Variants in ATP2C2 observed in about 807,000 individuals in gnomAD.
ATP2C2 encodes the protein calcium-transporting ATPase type 2C member 2.
A neutral mutation model predicts 110.8 loss-of-function variants in ATP2C2; 171 were observed. The observed-to-expected ratio is 1.54, with a 90% CI of 1.36 to 1.75. The LOEUF (loss-of-function observed/expected upper bound fraction) is 1.75. Among genes scored for constraint, ATP2C2 ranks in the 40% most tolerant of loss-of-function variants. The probability of loss-of-function intolerance (pLI) is 0.00; values close to 1 mark genes in which losing one functional copy is unlikely to be tolerated. For synonymous variants in ATP2C2, 804 were observed against 508.4 expected (o/e 1.58, Z -7.82); for missense variants, 1,963 against 1,235.0 (o/e 1.59, Z -8.84).
chr16:84,452,800 C>T (rs1340420087), intron 18 of ATP2C2, among the ~76,000 whole-genome samples: 3 of 152,032 alleles, frequency 2.0e-5, no homozygotes, highest in African/African-American at 7.2e-5. Context: ...CGCCCAGCCC[C>T]TCTAGTTACT....
In ATP2C2 at chr16:84,459,339, G is replaced by T. The variant is rs747665012; in HGVS notation, c.2286G>T (p.Met762Ile). 1.9e-6 allele frequency: 3 copies of T among 1,614,190 alleles called. No homozygotes were observed. The highest frequency in any genetic ancestry group is 2.5e-6 in the Non-Finnish European group (3 of 1,180,030). Residue 762 changes from methionine to isoleucine, a missense_variant, in exon 23 of 27, where the codon ATG (methionine) becomes ATT (isoleucine). Physicochemically the swap from Met to Ile is conservative, Grantham distance 10. Coordinates refer to ENST00000262429, the MANE Select transcript of ATP2C2 (RefSeq NM_014861.4). ...VFNLPSPLNA[M>I]QILWINIIMD... is the part of the protein sequence containing the mutation. ...ACCTGCCCAGCCCCCTCAACGCCATGCAGATCCTATGGATCAACATCATCA... is the reference window on the plus strand; with the variant it reads ...ACCTGCCCAGCCCCCTCAACGCCATTCAGATCCTATGGATCAACATCATCA...
At chr16:84,388,274 G>A (rs542269106) in intron 1 of ATP2C2, among the ~76,000 whole-genome samples, 3 of 152,138 alleles carry the variant, frequency 2.0e-5, no homozygotes, top group South Asian at 2.1e-4. Context: ...GCAGTGAGCC[G>A]AGATCACGCC....
intron 7 of ATP2C2, among the ~76,000 whole-genome samples, chr16:84,419,297 T>G (rs1907117666): frequency 6.7e-6 from 1 of 150,010 alleles, no homozygotes; most frequent in Admixed American, 6.6e-5. Context: ...TCCTGGCCTT[T>G]CCCAGCTTCT....
At chr16:84,462,667 T>A (rs908378850) in intron 26 of ATP2C2, 1 of 153,200 alleles carries the variant, frequency 6.5e-6, no homozygotes. Context: ...GTGTGGCACC[T>A]TTCTCTGAAG....
chr16:84,445,229 G>C (rs1220270022), intron 15 of ATP2C2, among the ~76,000 whole-genome samples: 1 of 142,528 alleles, frequency 7.0e-6, no homozygotes, highest in African/African-American at 2.6e-5. Flanking sequence ...TTTTTTTTGA[G>C]ACGGAGTCTC....
intron 10 of ATP2C2, among the ~76,000 whole-genome samples, chr16:84,424,138 G>C (rs1464445485): frequency 2.0e-5 from 3 of 152,226 alleles, no homozygotes; most frequent in Non-Finnish European, 2.9e-5. Flanking sequence ...TAGTGATGAG[G>C]GGGGTGCTGG....
chr16:84,450,064 C>G (rs1910119321), intron 17 of ATP2C2, among the ~76,000 whole-genome samples: 1 of 152,258 alleles, frequency 6.6e-6, no homozygotes, highest in Admixed American at 6.5e-5. Context: ...ATGACGCGTT[C>G]CAGGGACTTG....
chr16:84,432,626 T>C (rs1478347314), intron 11 of ATP2C2, among the ~76,000 whole-genome samples: 2 of 152,098 alleles, frequency 1.3e-5, no homozygotes, highest in Non-Finnish European at 2.9e-5. Context: ...GTTCAAACTA[T>C]TCTCCTGCCT....
intron 23 of ATP2C2, chr16:84,460,069 T>C (rs436203): frequency 0.98 from 189,560 of 193,066 alleles, 93,110 homozygotes; most frequent in East Asian, 1. Context: ...TCACCAGTGA[T>C]AGCTGCCAAG....
At chr16:84,449,986 C>G (rs1259687029) in intron 17 of ATP2C2, among the ~76,000 whole-genome samples, 1 of 152,228 alleles carries the variant, frequency 6.6e-6, no homozygotes, top group Non-Finnish European at 1.5e-5. Flanking sequence ...GCAGAGGAGC[C>G]GGCCCAGGTG....
At chr16:84,395,397 C>T (rs771004427) in intron 1 of ATP2C2, among the ~76,000 whole-genome samples, 26 of 151,824 alleles carry the variant, frequency 1.7e-4, no homozygotes, top group Non-Finnish European at 3.2e-4. Flanking sequence ...GTCCAGAGCA[C>T]GTGACAAAGG....
chr16:84,419,549 G>T (rs1372312694), intron 7 of ATP2C2, among the ~76,000 whole-genome samples: 3 of 152,166 alleles, frequency 2.0e-5, no homozygotes, highest in Admixed American at 1.3e-4. Flanking sequence ...CCAAGTTGAG[G>T]ATTAGGATGC....
At chr16:84,408,558 G>T in intron 4 of ATP2C2, 64 bp downstream of exon 4, 2 of 1,321,984 alleles carry the variant, frequency 1.5e-6, no homozygotes, top group Non-Finnish European at 2.1e-6. Flanking sequence ...GTCTCTGCTT[G>T]TTATTGTATA....
intron 18 of ATP2C2, 55 bp downstream of exon 18, chr16:84,452,146 T>TG: frequency 6.3e-7 from 1 of 1,596,758 alleles, no homozygotes; most frequent in South Asian, 1.1e-5. Flanking sequence ...TCCTTTACGA[T>TG]GGGGGGCTGC....
rs766288795 is a variant in ATP2C2, at chr16:84,459,367, G to A, written c.2314G>A (p.Asp772Asn). 5 of 1,614,044 alleles carry A rather than the reference G, an allele frequency of 3.1e-6. No homozygotes were observed. The African/African-American group carries it at 5.3e-5, about 17-fold the overall frequency. Residue 772 changes from aspartate (D) to asparagine (N), a missense_variant, in exon 23 of 27, where the codon GAT becomes AAT. Transcript: ENST00000262429. ...MQILWINIIM[D>N]GPPAQSLGVE... ...GATCCTATGGATCAACATCATCATG[G>A]ATGGGCCACCGGCGCAGAGGTGAGG...
chr16:84,463,826 G>T lies in ATP2C2; in HGVS notation c.*94G>T. The T allele has an allele frequency of 9.0e-7, 1 of 1,113,804 alleles. No homozygotes were observed. The allele number at this position is 1,113,804 out of a possible 1,614,324, so 69.0% of individuals were successfully genotyped here. On this transcript the variant is annotated 3_prime_UTR_variant, in exon 27 of 27. Transcript: ENST00000262429. Reference sequence around the variant, plus strand: ...TCCTCGTCAGGGGAGACTTTTAGGAGGCCGCAGCCTTCCATCACCGGATCA... The same window carrying T: ...TCCTCGTCAGGGGAGACTTTTAGGATGCCGCAGCCTTCCATCACCGGATCA...
Position 84,461,779 on chromosome 16 carries a change from C to G in ATP2C2, c.2547C>G (p.Phe849Leu), listed in dbSNP as rs756447335. 4 of 1,614,200 alleles carry G rather than the reference C, an allele frequency of 2.5e-6. No individual in the cohort carries two copies. Among genetic ancestry groups the G allele is most frequent in the Non-Finnish European group, 2.5e-6 (3 of 1,180,018 alleles). ...TTMTFTCFVF[F>L]DLFNALTCRS... Reference sequence around the variant, plus strand: ...TGACGTTCACTTGTTTTGTGTTTTTCGATCTCTTCAACGCCTTGACCTGCC... The same window carrying G: ...TGACGTTCACTTGTTTTGTGTTTTTGGATCTCTTCAACGCCTTGACCTGCC... Residue 849 changes from phenylalanine to leucine, a missense_variant, in exon 25 of 27, where the codon TTC becomes TTG. Transcript: ENST00000262429.
intron 3 of ATP2C2, among the ~76,000 whole-genome samples, chr16:84,405,712 G>C (rs9929341): frequency 0.021 from 3,036 of 144,840 alleles, 79 homozygotes; most frequent in African/African-American, 0.073. Flanking sequence ...TTGAGCCCAG[G>C]AGTTCAAGAC....
At position 84,461,762 on chromosome 16, in the gene ATP2C2, A is replaced by G. The variant is rs759079636; in HGVS notation, c.2530A>G (p.Thr844Ala). Reference protein sequence around the residue: ...STPRTTTMTFTCFVFFDLFNA... With the variant: ...STPRTTTMTFACFVFFDLFNA... ...TCCCCGCACCACGACGATGACGTTC[A>G]CTTGTTTTGTGTTTTTCGATCTCTT... The change falls in exon 25 of 27, where the codon ACT (threonine) becomes GCT (alanine). Residue 844 changes from threonine (T) to alanine (A), a missense_variant. Transcript: ENST00000262429. 5 of 1,614,138 alleles carry G rather than the reference A, an allele frequency of 3.1e-6. No homozygotes were observed. In the Admixed American group the frequency reaches 8.3e-5, roughly 27 times the overall value.
Sources: gnomAD v4.1 joint callset for allele counts (sites outside exome capture counted in the v4.1 genomes callset) on GRCh38, gnomAD v4.1.1 for gene constraint, MANE v1.5 for transcripts, NCBI Gene and HGNC (gene_info 2026-07-23, HGNC 2026-07-21) for gene names.